The following CTNND2 variants were observed in gnomAD, a reference collection of about 807,000 sequenced individuals.
CTNND2 encodes catenin delta-2.
A neutral mutation model predicts 144.4 loss-of-function variants in CTNND2; 22 were observed. The ratio of observed to expected loss-of-function variants is 0.15; its 90% CI spans 0.11 to 0.22. The LOEUF (loss-of-function observed/expected upper bound fraction) is 0.22, where lower values mean the gene tolerates loss of function less well. Among genes scored for constraint, CTNND2 ranks in the 10% least tolerant of loss-of-function variants. CTNND2 has a pLI of 1.00. For missense variants in CTNND2, 1,353 were observed against 1,618.8 expected, an observed-to-expected ratio of 0.84 and a Z score of 2.82; for synonymous variants, 751 against 695.6, an observed-to-expected ratio of 1.08 and a Z score of -1.25.
chr5:11,842,029 T>C (rs1198265412), intron 1 of CTNND2, among the ~76,000 whole-genome samples: 7 of 152,080 alleles, frequency 4.6e-5, no homozygotes, highest in African/African-American at 1.7e-4. Context: ...CAGCAAGGAA[T>C]GTGGCAGGAT....
rs141382387 is a variant in CTNND2 at position 11,377,778 on chromosome 5, A to G, written c.1177+6887T>C. ...TTCCAGGCTTAGGCACTAACTTGCC[A>G]TACGGGAGTGTTAAAATTGCACTGT... is the stretch of plus-strand genomic sequence containing the variant. On this transcript the variant is annotated intron_variant, in intron 7 of 21. Transcript: ENST00000304623. Among the ~76,000 whole-genome samples the G allele has an allele frequency of 2.9e-3, 443 of 152,308 alleles. 1 individual carries two copies. Among genetic ancestry groups the G allele is most frequent in the Non-Finnish European group, 3.4e-3 (232 of 68,014 alleles).
chr5:11,501,663 G>T (rs1470016439), intron 3 of CTNND2, among the ~76,000 whole-genome samples: 4 of 152,112 alleles, frequency 2.6e-5, no homozygotes, highest in Non-Finnish European at 5.9e-5. Flanking sequence ...ACGCTGGGAG[G>T]TAATTAGGTC....
intron 9 of CTNND2, among the ~76,000 whole-genome samples, chr5:11,262,606 C>CA (rs1744982660): frequency 6.6e-6 from 1 of 151,078 alleles, no homozygotes; most frequent in African/African-American, 2.4e-5. Context: ...ACTAAAAATA[C>CA]AAAAAATTAG....
chr5:11,215,862 T>C (rs1411413216), intron 10 of CTNND2, among the ~76,000 whole-genome samples: 1 of 152,008 alleles, frequency 6.6e-6, no homozygotes, highest in Non-Finnish European at 1.5e-5. Flanking sequence ...CTTACAGGGG[T>C]GAGGGAAATA....
At chr5:11,143,558 T>C (rs1724821588) in intron 12 of CTNND2, among the ~76,000 whole-genome samples, 1 of 152,210 alleles carries the variant, frequency 6.6e-6, no homozygotes, top group Admixed American at 6.5e-5. Flanking sequence ...AAATTTCCCA[T>C]TTTTGTAATG....
intron 21 of CTNND2, among the ~76,000 whole-genome samples, chr5:10,977,555 C>T (rs1363714398): frequency 6.6e-6 from 1 of 152,032 alleles, no homozygotes; most frequent in Non-Finnish European, 1.5e-5. Context: ...CAGGTTCAAG[C>T]CTTCCTCCTG....
intron 12 of CTNND2, among the ~76,000 whole-genome samples, chr5:11,122,939 C>T (rs1754294771): frequency 6.6e-6 from 1 of 152,046 alleles, no homozygotes; most frequent in Admixed American, 6.6e-5. Flanking sequence ...ACCTGCGACC[C>T]CTCAGGGCAG....
chr5:11,857,680 A>G (rs1456655867), intron 1 of CTNND2, among the ~76,000 whole-genome samples: 1 of 152,184 alleles, frequency 6.6e-6, no homozygotes, highest in African/African-American at 2.4e-5. Flanking sequence ...TGTCATATTT[A>G]ATAAATTTGA....
At chr5:11,608,965 T>A (rs1351251028) in intron 2 of CTNND2, among the ~76,000 whole-genome samples, 1 of 152,132 alleles carries the variant, frequency 6.6e-6, no homozygotes, top group African/African-American at 2.4e-5. Flanking sequence ...GCCCCAGCCA[T>A]ATGGCATTTT....
chr5:11,240,671 TACAC>T (rs1468634799), intron 9 of CTNND2, among the ~76,000 whole-genome samples: 4 of 104,796 alleles, frequency 3.8e-5, no homozygotes, highest in African/African-American at 1.5e-4. Context: ...ACTCACCCAA[TACAC>T]ACATCCAACA....
In CTNND2 at chr5:11,262,476, G is replaced by T. The variant is rs1349808561; in HGVS notation, c.1629-25653C>A. Among the ~76,000 whole-genome samples the T allele has an allele frequency of 8.5e-5, 13 of 152,162 alleles. No homozygotes were observed. In the South Asian group the frequency reaches 1.2e-3, roughly 15 times the overall value. On this transcript the variant is annotated intron_variant, in intron 9 of 21. Transcript: ENST00000304623. The stretch of plus-strand genomic sequence containing the variant: ...GCCAATTTGATCTTTGAAACTAAAT[G>T]TGTTGGCCGGGCGCAGTGGCTCACG...
chr5:11,407,851 G>C (rs1186131129), intron 5 of CTNND2, among the ~76,000 whole-genome samples: 1 of 150,820 alleles, frequency 6.6e-6, no homozygotes, highest in African/African-American at 2.4e-5. Context: ...TTCTATACGG[G>C]AGAGGTAAAT....
chr5:11,008,313 A>G (rs1740700395), intron 18 of CTNND2, among the ~76,000 whole-genome samples: 1 of 152,194 alleles, frequency 6.6e-6, no homozygotes, highest in Non-Finnish European at 1.5e-5. Flanking sequence ...CATTCTGAAT[A>G]TCCCAGTAGG....
chr5:11,234,758 T>C (rs1237677215), intron 10 of CTNND2, among the ~76,000 whole-genome samples: 1 of 152,234 alleles, frequency 6.6e-6, no homozygotes, highest in African/African-American at 2.4e-5. Flanking sequence ...GGGTGACTCC[T>C]TGTAATAGAG....
At position 11,408,431 on chromosome 5, in the gene CTNND2, G is replaced by C. The variant is rs369869438; in HGVS notation, c.439+3105C>G. On this transcript the variant is annotated intron_variant, in intron 5 of 21. Transcript: ENST00000304623. ...GACTCTGAATATGTTAAGGGCAAAT[G>C]GTTCTTAAGAATAATAATATTCTTT... 2.6e-5 allele frequency among the ~76,000 whole-genome samples: 4 copies of C among 152,072 alleles called. No homozygotes were observed. The South Asian group carries it at 8.3e-4, about 32-fold the overall frequency.
chr5:11,404,307 A>G (rs1218716348), intron 5 of CTNND2, among the ~76,000 whole-genome samples: 2 of 152,126 alleles, frequency 1.3e-5, no homozygotes, highest in Non-Finnish European at 1.5e-5. Flanking sequence ...GCTCTACTCT[A>G]CTGTTGACCT....
intron 2 of CTNND2, among the ~76,000 whole-genome samples, chr5:11,725,194 G>A (rs1034129877): frequency 2.0e-5 from 3 of 152,160 alleles, no homozygotes; most frequent in Non-Finnish European, 1.5e-5. Context: ...TGTCACTGAT[G>A]CATGCTAGAG....
chr5:11,085,630 C>T (rs150360877), intron 15 of CTNND2, among the ~76,000 whole-genome samples: 5 of 152,184 alleles, frequency 3.3e-5, no homozygotes, highest in African/African-American at 1.2e-4. Context: ...GGGCACAGAT[C>T]CAGGTAAAAG....
intron 1 of CTNND2, among the ~76,000 whole-genome samples, chr5:11,803,793 T>G (rs1259668502): frequency 6.6e-6 from 1 of 152,238 alleles, no homozygotes; most frequent in Non-Finnish European, 1.5e-5. Flanking sequence ...TAATTCACTG[T>G]TGTATCACCA....
Sources: allele counts gnomAD v4.1 joint callset (sites outside exome capture counted in the v4.1 genomes callset), GRCh38; gene constraint gnomAD v4.1.1; transcripts MANE v1.5; gene names NCBI Gene and HGNC (gene_info 2026-07-23, HGNC 2026-07-21).